Variants in FOCAD observed in about 807,000 individuals in gnomAD.
FOCAD encodes KIAA1797.
A neutral mutation model predicts 225.6 loss-of-function variants in FOCAD; 198 were observed. The ratio of observed to expected loss-of-function variants is 0.88; its 90% confidence interval spans 0.78 to 0.99. The LOEUF (loss-of-function observed/expected upper bound fraction) is 0.99. Ranked by LOEUF, FOCAD falls within the 50% of genes least tolerant of loss-of-function variation. The pLI, the probability that FOCAD is intolerant of heterozygous loss-of-function variation, is 0.00. For synonymous variants in FOCAD, 897 were observed against 755.0 expected (o/e 1.19, Z -3.08); for missense variants, 2,713 against 2,123.6 (o/e 1.28, Z -5.46).
chr9:20,914,990 G>T (rs1254018530), intron 23 of FOCAD, among the ~76,000 whole-genome samples: 1 of 152,062 alleles, frequency 6.6e-6, no homozygotes, highest in African/African-American at 2.4e-5. Context: ...TGAAAGAAAG[G>T]GATCAATCAA....
rs1825014663 is a variant in FOCAD at position 20,827,441 on chromosome 9, T to C, written c.1920+4326T>C. ...CTACCACATTTTATTTATCCACTTA[T>C]CAAATGATGGACATTTGCCACTAAC... On this transcript the variant is annotated intron_variant, in intron 15 of 43. Transcript: ENST00000338382. Among the ~76,000 whole-genome samples the C allele has an allele frequency of 2.6e-5, 4 of 152,084 alleles. No individual in the cohort carries two copies. The South Asian group carries it at 8.3e-4, about 32-fold the overall frequency.
intron 28 of FOCAD, among the ~76,000 whole-genome samples, chr9:20,944,012 T>C (rs184617478): frequency 1.3e-4 from 20 of 152,354 alleles, no homozygotes; most frequent in African/African-American, 4.8e-4. Context: ...TTGTCCATTT[T>C]CTCTTCTGAC....
intron 8 of FOCAD, among the ~76,000 whole-genome samples, chr9:20,777,207 T>G (rs541138722): frequency 6.6e-5 from 10 of 152,238 alleles, no homozygotes; most frequent in African/African-American, 2.4e-4. Flanking sequence ...TCTTCAAGAT[T>G]ATAATTTCTG....
intron 39 of FOCAD, among the ~76,000 whole-genome samples, chr9:20,985,651 A>G (rs1205217809): frequency 6.6e-6 from 1 of 152,176 alleles, no homozygotes; most frequent in Non-Finnish European, 1.5e-5. Context: ...GACCACCATC[A>G]TACCTGGGTA....
chr9:20,923,158 A>G (rs1168500263), intron 24 of FOCAD, among the ~76,000 whole-genome samples: 1 of 152,212 alleles, frequency 6.6e-6, no homozygotes, highest in Non-Finnish European at 1.5e-5. Flanking sequence ...AAAATGAGTA[A>G]GAAAAGCTGC....
intron 24 of FOCAD, among the ~76,000 whole-genome samples, chr9:20,920,343 G>A (rs1834288122): frequency 7.7e-6 from 1 of 129,668 alleles, no homozygotes; most frequent in South Asian, 2.9e-4. Context: ...GGAGAAATAG[G>A]AACACTTTTA....
At chr9:20,852,840 C>G (rs1003459929) in intron 15 of FOCAD, among the ~76,000 whole-genome samples, 2 of 151,644 alleles carry the variant, frequency 1.3e-5, no homozygotes, top group South Asian at 4.2e-4. Context: ...AGTAAATACT[C>G]AATTTGCTTT....
chr9:20,845,033 C>A (rs963622753), intron 15 of FOCAD, among the ~76,000 whole-genome samples: 6 of 151,970 alleles, frequency 3.9e-5, no homozygotes, highest in African/African-American at 1.2e-4. Context: ...AATCTCTAGT[C>A]CTAGTCCTTA....
chr9:20,785,586 A>C (rs1044127512), intron 10 of FOCAD, among the ~76,000 whole-genome samples: 1 of 152,148 alleles, frequency 6.6e-6, no homozygotes, highest in African/African-American at 2.4e-5. Flanking sequence ...GCCATGTAGC[A>C]GTGCCTCATT....
Position 20,950,921 on chromosome 9 carries a change from T to G in FOCAD, c.3949-75T>G, listed in dbSNP as rs548693005. The stretch of plus-strand genomic sequence containing the variant: ...CACCACCTCCTAAATGACTGGTGAC[T>G]TTCTGTGAGTGACCTTTTATTGAAT... On this transcript the variant is annotated intron_variant, in intron 33 of 43. Coordinates refer to ENST00000338382, the MANE Select transcript of FOCAD (RefSeq NM_001375567.1). The G allele has an allele frequency of 2.8e-4, 374 of 1,319,230 alleles. 1 individual carries two copies. The South Asian group carries it at 3.7e-3, about 13-fold the overall frequency. The allele number at this position is 1,319,230 out of a possible 1,614,324, so 81.7% of individuals were successfully genotyped here.
chr9:20,739,385 C>T (rs867042604), intron 4 of FOCAD, among the ~76,000 whole-genome samples: 4 of 152,140 alleles, frequency 2.6e-5, no homozygotes, highest in Non-Finnish European at 4.4e-5. Context: ...AGGCGGGTCA[C>T]CTAAGGTCAG....
chr9:20,979,626 A>G (rs1249676065), intron 37 of FOCAD, among the ~76,000 whole-genome samples: 4 of 152,138 alleles, frequency 2.6e-5, no homozygotes, highest in African/African-American at 9.7e-5. Context: ...GGTGTGAGCC[A>G]CCACGCTGGG....
chr9:20,851,174 A>G (rs1418605512), intron 15 of FOCAD, among the ~76,000 whole-genome samples: 4 of 150,236 alleles, frequency 2.7e-5, no homozygotes, highest in Non-Finnish European at 5.9e-5. Flanking sequence ...AAAAGTTACC[A>G]CCTTCAAATA....
chr9:20,878,846 G>T (rs1481835591), intron 19 of FOCAD, among the ~76,000 whole-genome samples: 1 of 152,142 alleles, frequency 6.6e-6, no homozygotes, highest in Non-Finnish European at 1.5e-5. Context: ...GAGGCCAAAA[G>T]CCTCAGGACC....
intron 21 of FOCAD, among the ~76,000 whole-genome samples, chr9:20,889,946 A>G (rs956212052): frequency 6.6e-6 from 1 of 152,092 alleles, no homozygotes; most frequent in Non-Finnish European, 1.5e-5. Flanking sequence ...TAAGTATTAC[A>G]TATCCCTAAG....
rs10964711 is a variant in FOCAD, at chr9:20,806,220, A to G, written c.1456-13576A>G. Among the ~76,000 whole-genome samples, 491 of 152,330 alleles carry G rather than the reference A, an allele frequency of 3.2e-3. 3 individuals carry two copies. The highest frequency in any genetic ancestry group is 0.011 in the African/African-American group (478 of 41,570). On this transcript the variant is annotated intron_variant, in intron 11 of 43. Coordinates refer to ENST00000338382, the MANE Select transcript of FOCAD (RefSeq NM_001375567.1). The stretch of plus-strand genomic sequence containing the variant: ...ATATGTTTTCAGAAAGAAGCCTAAT[A>G]TAGATGACTTAGTGCTGATGGGTAC...
In FOCAD at chr9:20,714,296, CA is replaced by C. The variant is rs1322952208; in HGVS notation, c.-32-1025del. ...TGTAACATTTTGAATTTTGTATTTT[CA>C]GATTAGGGTTGCTCAACCTGCAGTT... On this transcript the variant is annotated intron_variant, in intron 1 of 43. Coordinates refer to ENST00000338382, the MANE Select transcript of FOCAD (RefSeq NM_001375567.1). 2.8e-4 allele frequency among the ~76,000 whole-genome samples: 43 copies of C among 152,260 alleles called. 1 individual carries two copies. Among genetic ancestry groups the C allele is most frequent in the African/African-American group, 1.0e-3 (43 of 41,556 alleles).
At chr9:20,920,067 A>T (rs962727007) in intron 24 of FOCAD, among the ~76,000 whole-genome samples, 1 of 152,202 alleles carries the variant, frequency 6.6e-6, no homozygotes, top group Non-Finnish European at 1.5e-5. Context: ...TACTCATCTG[A>T]CAAAGGGCTA....
At chr9:20,767,769 G>T (rs1464121731) in intron 7 of FOCAD, among the ~76,000 whole-genome samples, 1 of 147,482 alleles carries the variant, frequency 6.8e-6, no homozygotes, top group African/African-American at 2.5e-5. Flanking sequence ...CTCCCATTTT[G>T]TAGGTTGCCT....
Sources: allele counts gnomAD v4.1 joint callset (sites outside exome capture counted in the v4.1 genomes callset), GRCh38; gene constraint gnomAD v4.1.1; transcripts MANE v1.5; gene names NCBI Gene and HGNC (gene_info 2026-07-23, HGNC 2026-07-21).